The following CDH12 variants were observed in gnomAD, a reference collection of about 807,000 sequenced individuals.
CDH12 encodes the protein cadherin 12.
In CDH12, 41 loss-of-function variants were observed where a neutral mutation model predicts 74.1. The ratio of observed to expected loss-of-function variants is 0.55; its 90% CI spans 0.43 to 0.72. CDH12 has a LOEUF of 0.72. Ranked by LOEUF, CDH12 falls within the 30% of genes least tolerant of loss-of-function variation. The pLI is 0.00. For missense variants in CDH12, 945 were observed against 977.2 expected (o/e 0.97, Z 0.44); for synonymous variants, 399 against 355.0 (o/e 1.12, Z -1.39).
intron 4 of CDH12, among the ~76,000 whole-genome samples, chr5:22,209,493 C>T (rs1305362071): frequency 6.6e-6 from 1 of 152,104 alleles, no homozygotes; most frequent in East Asian, 1.9e-4. Flanking sequence ...ATACAATTAA[C>T]ACTGAATTTA....
chr5:22,444,406 T>C (rs979661468), intron 2 of CDH12, among the ~76,000 whole-genome samples: 10 of 152,116 alleles, frequency 6.6e-5, no homozygotes, highest in African/African-American at 2.4e-4. Flanking sequence ...TTCAGGTAAA[T>C]ATTTATTACC....
intron 9 of CDH12, among the ~76,000 whole-genome samples, chr5:21,811,552 T>A (rs1747744843): frequency 6.6e-6 from 1 of 152,050 alleles, no homozygotes. Context: ...CATTTAGGTT[T>A]TCACTAAGAA....
At chr5:22,746,071 T>A (rs976729580) in intron 1 of CDH12, among the ~76,000 whole-genome samples, 2 of 152,112 alleles carry the variant, frequency 1.3e-5, no homozygotes, top group African/African-American at 4.8e-5. Flanking sequence ...TAATAATTGG[T>A]TCATCTGTCA....
At chr5:21,769,389 T>C (rs1439444048) in intron 11 of CDH12, among the ~76,000 whole-genome samples, 4 of 152,016 alleles carry the variant, frequency 2.6e-5, no homozygotes, top group African/African-American at 7.2e-5. Flanking sequence ...CTTAGAGATA[T>C]AATAAAGGAA....
intron 5 of CDH12, among the ~76,000 whole-genome samples, chr5:22,020,363 G>A (rs1407180321): frequency 6.6e-6 from 1 of 152,026 alleles, no homozygotes; most frequent in African/African-American, 2.4e-5. Context: ...AGACCAGCCT[G>A]GCTAACATTG....
In CDH12 at chr5:21,983,877, T is replaced by C. The variant is rs192318307; in HGVS notation, c.232-8492A>G. On this transcript the variant is annotated intron_variant, in intron 5 of 14. Coordinates refer to ENST00000382254, the MANE Select transcript of CDH12 (RefSeq NM_004061.5). ...CATACCTACACACATATACCGCAGA[T>C]ACATTCATTTTCAGGATTTCTTTAA... Among the ~76,000 whole-genome samples the C allele has an allele frequency of 2.4e-4, 37 of 152,310 alleles. No homozygotes were observed. In the East Asian group the frequency reaches 6.9e-3, roughly 29 times the overall value.
intron 3 of CDH12, among the ~76,000 whole-genome samples, chr5:22,391,922 CAT>C (rs1457676789): frequency 2.0e-5 from 3 of 151,944 alleles, no homozygotes; most frequent in Non-Finnish European, 2.9e-5. Context: ...GCCACTAAAA[CAT>C]AAAGAAGTTA....
At chr5:22,431,291 T>C (rs1450088777) in intron 2 of CDH12, among the ~76,000 whole-genome samples, 1 of 152,202 alleles carries the variant, frequency 6.6e-6, no homozygotes, top group African/African-American at 2.4e-5. Flanking sequence ...ATGACAGTCC[T>C]ATACGTTTAT....
intron 4 of CDH12, among the ~76,000 whole-genome samples, chr5:22,100,009 C>A (rs188860941): frequency 6.6e-6 from 1 of 152,148 alleles, no homozygotes; most frequent in South Asian, 2.1e-4. Context: ...CACGCTGCCC[C>A]TAATGCCGCT....
chr5:22,211,292 T>G (rs2150362331), intron 4 of CDH12, among the ~76,000 whole-genome samples: 1 of 152,308 alleles, frequency 6.6e-6, no homozygotes, highest in Admixed American at 6.5e-5. Flanking sequence ...CATTTTGCTT[T>G]AACAATAGAA....
At chr5:22,043,318 T>C (rs1739704398) in intron 5 of CDH12, among the ~76,000 whole-genome samples, 2 of 152,188 alleles carry the variant, frequency 1.3e-5, no homozygotes, top group South Asian at 4.1e-4. Flanking sequence ...GGTGATTCTT[T>C]ACATTGACAG....
At chr5:21,911,660 T>C (rs1753865055) in intron 6 of CDH12, among the ~76,000 whole-genome samples, 1 of 152,086 alleles carries the variant, frequency 6.6e-6, no homozygotes, top group Non-Finnish European at 1.5e-5. Flanking sequence ...AACCTTGACA[T>C]GGTTTATTAT....
intron 2 of CDH12, among the ~76,000 whole-genome samples, chr5:22,464,491 T>A (rs980490302): frequency 2.0e-5 from 3 of 152,168 alleles, no homozygotes; most frequent in African/African-American, 7.2e-5. Context: ...TGAAATTCGT[T>A]TTGACAAGAC....
At chr5:22,059,213 G>A (rs915313894) in intron 5 of CDH12, among the ~76,000 whole-genome samples, 3 of 151,770 alleles carry the variant, frequency 2.0e-5, no homozygotes, top group Non-Finnish European at 2.9e-5. Flanking sequence ...CAACCACTTC[G>A]TATTGTCTGG....
chr5:21,840,269 G>C (rs1471202773), intron 8 of CDH12, among the ~76,000 whole-genome samples: 1 of 152,054 alleles, frequency 6.6e-6, no homozygotes, highest in African/African-American at 2.4e-5. Context: ...TACTTTCTCA[G>C]TTAATAAAAT....
At chr5:21,922,147 T>C (rs578234530) in intron 6 of CDH12, among the ~76,000 whole-genome samples, 11 of 152,320 alleles carry the variant, frequency 7.2e-5, no homozygotes, top group African/African-American at 2.6e-4. Context: ...TGAAATAGCT[T>C]ACACAAATAC....
At chr5:22,848,991 T>G (rs961785876) in intron 1 of CDH12, among the ~76,000 whole-genome samples, 3 of 151,370 alleles carry the variant, frequency 2.0e-5, no homozygotes, top group Admixed American at 6.6e-5. Flanking sequence ...CAAAAAATGT[T>G]TTTTTTTTAG....
chr5:22,632,004 G>A (rs1291023411), intron 1 of CDH12, among the ~76,000 whole-genome samples: 11 of 152,110 alleles, frequency 7.2e-5, no homozygotes, highest in Non-Finnish European at 1.2e-4. Flanking sequence ...TCTAGGTGGA[G>A]ACACAAATCC....
intron 1 of CDH12, among the ~76,000 whole-genome samples, chr5:22,522,994 C>T (rs538763108): frequency 1.8e-4 from 27 of 152,252 alleles, no homozygotes; most frequent in Admixed American, 2.6e-4. Context: ...CTCATGCACA[C>T]GATCCTCTGC....
Sources: gnomAD v4.1 joint callset for allele counts (sites outside exome capture counted in the v4.1 genomes callset) on GRCh38, gnomAD v4.1.1 for gene constraint, MANE v1.5 for transcripts, NCBI Gene and HGNC (gene_info 2026-07-23, HGNC 2026-07-21) for gene names.